LRRC7: variants seen among roughly 807,000 people sequenced by gnomAD.
LRRC7 encodes the protein leucine-rich repeat-containing protein 7.
A neutral mutation model predicts 175.7 loss-of-function variants in LRRC7; 23 were observed. The observed-to-expected ratio is 0.13, with a 90% CI of 0.09 to 0.19. The LOEUF is 0.19. LRRC7 is among the 10% of genes least tolerant of loss of function. LRRC7 has a pLI of 1.00. For synonymous variants in LRRC7, 685 were observed against 680.9 expected, an observed-to-expected ratio of 1.01 and a Z score of -0.09; for missense variants, 1,354 against 1,904.7, an observed-to-expected ratio of 0.71 and a Z score of 5.38.
intron 8 of LRRC7, among the ~76,000 whole-genome samples, chr1:69,938,501 C>G (rs181755820): frequency 1.1e-4 from 16 of 152,014 alleles, no homozygotes; most frequent in Middle Eastern, 3.4e-3. Context: ...AAGAAAAATT[C>G]CTAGAATAGA....
intron 23 of LRRC7, among the ~76,000 whole-genome samples, chr1:70,063,653 G>C (rs755582451): frequency 6.6e-6 from 1 of 152,006 alleles, no homozygotes; most frequent in African/African-American, 2.4e-5. Context: ...CTAGCTGTAG[G>C]TTCTTAGAAA....
At chr1:69,961,008 AG>A (rs1418512043) in intron 8 of LRRC7, among the ~76,000 whole-genome samples, 1 of 152,180 alleles carries the variant, frequency 6.6e-6, no homozygotes, top group Non-Finnish European at 1.5e-5. Flanking sequence ...AAAGAAATAA[AG>A]GGCATTCAAA....
intron 1 of LRRC7, among the ~76,000 whole-genome samples, chr1:69,676,400 T>C (rs535719524): frequency 6.6e-6 from 1 of 152,246 alleles, no homozygotes; most frequent in Non-Finnish European, 1.5e-5. Flanking sequence ...CATATAGATA[T>C]TAAGAAATCA....
chr1:69,723,031 G>C (rs1356898358), intron 2 of LRRC7, among the ~76,000 whole-genome samples: 1 of 151,806 alleles, frequency 6.6e-6, no homozygotes. Context: ...AGGTATATGA[G>C]GTAAAAGACA....
At chr1:69,652,275 T>C (rs1655957220) in intron 1 of LRRC7, among the ~76,000 whole-genome samples, 1 of 152,130 alleles carries the variant, frequency 6.6e-6, no homozygotes, top group African/African-American at 2.4e-5. Context: ...TTAGAACTAA[T>C]ATATCAGTTC....
chr1:70,052,982 C>A, intron 22 of LRRC7, 44 bp from the exon 23 acceptor site: 1 of 1,532,438 alleles, frequency 6.5e-7, no homozygotes, highest in South Asian at 1.3e-5. Flanking sequence ...CTATGGTAAA[C>A]TTCTACTACA....
chr1:69,933,314 C>T (rs1647582182), intron 8 of LRRC7, among the ~76,000 whole-genome samples: 1 of 152,136 alleles, frequency 6.6e-6, no homozygotes, highest in Admixed American at 6.5e-5. Context: ...GCAAGAGTAC[C>T]TCATAAATAC....
intron 7 of LRRC7, among the ~76,000 whole-genome samples, chr1:69,930,809 G>T (rs188922921): frequency 6.6e-6 from 1 of 152,098 alleles, no homozygotes; most frequent in African/African-American, 2.4e-5. Flanking sequence ...AACATGTGAA[G>T]GAGGAACTGT....
chr1:69,649,137 T>C (rs1363752287), intron 1 of LRRC7, among the ~76,000 whole-genome samples: 2 of 152,260 alleles, frequency 1.3e-5, no homozygotes, highest in Non-Finnish European at 2.9e-5. Context: ...TCTCACTCAC[T>C]ATACACTTCA....
At chr1:69,984,773 T>G (rs1440732185) in intron 9 of LRRC7, among the ~76,000 whole-genome samples, 1 of 152,214 alleles carries the variant, frequency 6.6e-6, no homozygotes, top group Non-Finnish European at 1.5e-5. Context: ...CTTTTGAAAG[T>G]TCCCTGAAGT....
chr1:69,609,054 T>G (rs533430084), intron 1 of LRRC7, among the ~76,000 whole-genome samples: 1 of 151,590 alleles, frequency 6.6e-6, no homozygotes, highest in South Asian at 2.1e-4. Flanking sequence ...TAATGGGATA[T>G]TTGAAATATG....
chr1:69,792,127 G>A lies in LRRC7; in HGVS notation c.388G>A (p.Val130Ile). The change falls in exon 4 of 27, where the codon GTT (valine) becomes ATT (isoleucine). Residue 130 changes from valine (V) to isoleucine (I), a missense_variant. Coordinates refer to ENST00000651989, the MANE Select transcript of LRRC7 (RefSeq NM_001370785.2). ...SNLPTTIASL[V>I]NLKELDISKN... ...TCTGCCAACCACTATTGCTAGTTTAGTTAATCTTAAAGAACTCGACATCAG... is the reference window on the plus strand; with the variant it reads ...TCTGCCAACCACTATTGCTAGTTTAATTAATCTTAAAGAACTCGACATCAG... 6.2e-7 allele frequency: 1 copy of A among 1,607,440 alleles called. No individual in the cohort carries two copies. Among genetic ancestry groups the A allele is most frequent in the South Asian group, 1.1e-5 (1 of 90,444 alleles).
Position 69,608,812 on chromosome 1 carries a change from GTCTCTCTCTCTCTCTCTCTCTC to G in LRRC7, c.2+40205_2+40226del, listed in dbSNP as rs558298354. Among the ~76,000 whole-genome samples, 217 of 91,600 alleles carry G rather than the reference GTCTCTCTCTCTCTCTCTCTCTC, an allele frequency of 2.4e-3. 1 individual carries two copies. Among genetic ancestry groups the G allele is most frequent in the East Asian group, 4.2e-3 (12 of 2,872 alleles). The allele number at this position is 91,600 out of a possible 152,430, so 60.1% of individuals were successfully genotyped here. A position where few individuals can be genotyped will look rare whatever the true frequency, so the allele number is the denominator to read the frequency against. On this transcript the variant is annotated intron_variant, in intron 1 of 26. Coordinates refer to ENST00000651989, the MANE Select transcript of LRRC7 (RefSeq NM_001370785.2). ...GCATCTCCTATAAGTTGCTCTGTCTGTCTCTCTCTCTCTCTCTCTCTCTCTCTCTCTCTCTCTCTCTCTCTCT... is the reference window on the plus strand; with the variant it reads ...GCATCTCCTATAAGTTGCTCTGTCTGTCTCTCTCTCTCTCTCTCTCTCTCT...
chr1:69,945,942 C>T (rs1284010376), intron 8 of LRRC7, among the ~76,000 whole-genome samples: 2 of 152,110 alleles, frequency 1.3e-5, no homozygotes, highest in Non-Finnish European at 2.9e-5. Flanking sequence ...CATTTTACAT[C>T]TCTTTTCTAT....
chr1:70,012,505 A>G (rs1282909228), intron 12 of LRRC7, among the ~76,000 whole-genome samples: 1 of 151,866 alleles, frequency 6.6e-6, no homozygotes, highest in Non-Finnish European at 1.5e-5. Context: ...TGATGCAACA[A>G]TAAACAACAT....
At chr1:69,875,017 A>G (rs568956089) in intron 7 of LRRC7, 4 of 152,232 alleles carry the variant, frequency 2.6e-5, no homozygotes, top group African/African-American at 9.6e-5. Flanking sequence ...TTGCTGTAGA[A>G]TAAGTTGCAC....
chr1:69,856,828 C>G (rs900224813), intron 7 of LRRC7, among the ~76,000 whole-genome samples: 3 of 152,158 alleles, frequency 2.0e-5, no homozygotes, highest in Admixed American at 6.6e-5. Context: ...AATTGTAGAC[C>G]AATATCCCTG....
At chr1:70,111,293 G>A (rs560822540) in intron 26 of LRRC7, among the ~76,000 whole-genome samples, 2 of 152,272 alleles carry the variant, frequency 1.3e-5, no homozygotes, top group African/African-American at 4.8e-5. Context: ...ACATGAAGAT[G>A]TGTGCAATAA....
chr1:69,922,914 A>T (rs950873497), intron 7 of LRRC7, among the ~76,000 whole-genome samples: 2 of 151,630 alleles, frequency 1.3e-5, no homozygotes, highest in African/African-American at 4.9e-5. Flanking sequence ...GCACCCATTA[A>T]CTCGTCATTT....
Sources: gnomAD v4.1 joint callset for allele counts (sites outside exome capture counted in the v4.1 genomes callset) on GRCh38, gnomAD v4.1.1 for gene constraint, MANE v1.5 for transcripts, NCBI Gene and HGNC (gene_info 2026-07-23, HGNC 2026-07-21) for gene names.